The following UNC79 variants were observed in gnomAD, a reference collection of about 807,000 sequenced individuals.
UNC79 encodes the protein protein unc-79 homolog.
UNC79 carries 37 observed loss-of-function variants against 283.1 expected under a neutral mutation model. The ratio of observed to expected loss-of-function variants is 0.13; its 90% CI spans 0.10 to 0.17. UNC79 has a LOEUF of 0.17. Among genes scored for constraint, UNC79 ranks in the 10% least tolerant of loss-of-function variants. UNC79 has a pLI of 1.00. For missense variants in UNC79, 2,272 were observed against 3,211.1 expected, an observed-to-expected ratio of 0.71 and a Z score of 7.07; for synonymous variants, 1,107 against 1,200.2, an observed-to-expected ratio of 0.92 and a Z score of 1.61.
chr14:93,616,945 G>A (rs1328351144), intron 27 of UNC79, among the ~76,000 whole-genome samples, 177 bp from the exon 29 acceptor site: 3 of 152,088 alleles, frequency 2.0e-5, no homozygotes, highest in Non-Finnish European at 4.4e-5. Flanking sequence ...TTTTTTGTGA[G>A]GTTGGACTTT....
intron 1 of UNC79, among the ~76,000 whole-genome samples, chr14:93,396,775 G>T (rs2055006584): frequency 7.0e-6 from 1 of 143,762 alleles, no homozygotes; most frequent in African/African-American, 2.7e-5. Context: ...GCATGTGTGT[G>T]TATGTGTGTG....
At chr14:93,419,586 G>C (rs367643086) in intron 1 of UNC79, among the ~76,000 whole-genome samples, 5 of 151,842 alleles carry the variant, frequency 3.3e-5, no homozygotes, top group Admixed American at 2.0e-4. Flanking sequence ...AAAGCAGGGG[G>C]ATGAAGTTAA....
exon 34 of UNC79, chr14:93,643,571 G>C (rs910448412): frequency 6.2e-7 from 1 of 1,613,754 alleles, no homozygotes; most frequent in Non-Finnish European, 8.5e-7. Context: ...CATGACTGTG[G>C]GGCCATTCTT....
intron 4 of UNC79, among the ~76,000 whole-genome samples, chr14:93,486,399 G>A (rs1465927167): frequency 1.3e-5 from 2 of 151,828 alleles, no homozygotes; most frequent in Admixed American, 6.6e-5. Flanking sequence ...GCTCACGCTT[G>A]TAATCCCAGC....
intron 1 of UNC79, among the ~76,000 whole-genome samples, chr14:93,352,980 A>C (rs933629388): frequency 6.6e-6 from 1 of 152,222 alleles, no homozygotes; most frequent in Non-Finnish European, 1.5e-5. Context: ...AAACATAGAC[A>C]TACAATATGA....
upstream of UNC79, among the ~76,000 whole-genome samples, chr14:93,426,200 T>C (rs1415763520): frequency 6.6e-6 from 1 of 152,100 alleles, no homozygotes; most frequent in Non-Finnish European, 1.5e-5. Context: ...TTAATTTGCA[T>C]TGATGTTCCC....
intron 14 of UNC79, among the ~76,000 whole-genome samples, chr14:93,565,371 C>T (rs1566660882): frequency 6.6e-6 from 1 of 152,120 alleles, no homozygotes; most frequent in South Asian, 2.1e-4. Context: ...GGGGGTTAAG[C>T]GAGCTGTTAG....
chr14:93,381,103 CT>C (rs887743428), intron 1 of UNC79, among the ~76,000 whole-genome samples: 1 of 152,130 alleles, frequency 6.6e-6, no homozygotes, highest in African/African-American at 2.4e-5. Flanking sequence ...ATTATGTTGC[CT>C]CAGTTTTGGC....
At chr14:93,680,289 C>A (rs1324437315) in intron 41 of UNC79, among the ~76,000 whole-genome samples, 1 of 152,158 alleles carries the variant, frequency 6.6e-6, no homozygotes, top group Non-Finnish European at 1.5e-5. Context: ...AAGGGAGATA[C>A]AGACATTTAA....
At chr14:93,346,483 C>CA (rs1389836867) in intron 1 of UNC79, among the ~76,000 whole-genome samples, 4 of 152,036 alleles carry the variant, frequency 2.6e-5, no homozygotes, top group Non-Finnish European at 5.9e-5. Context: ...CCTGTCTCTA[C>CA]AAAAAAATAA....
At chr14:93,578,033 C>T in exon 18 of UNC79, 1 of 1,614,204 alleles carries the variant, frequency 6.2e-7, no homozygotes. Context: ...TAAATTGTTT[C>T]ATCCTCATGT....
intron 39 of UNC79, among the ~76,000 whole-genome samples, 160 bp downstream of exon 42, chr14:93,659,421 A>G (rs1360819058): frequency 6.6e-6 from 1 of 152,186 alleles, no homozygotes; most frequent in Non-Finnish European, 1.5e-5. Context: ...CCTTGTATAA[A>G]GAACTCTATC....
intron 1 of UNC79, among the ~76,000 whole-genome samples, chr14:93,357,974 T>G (rs1206113791): frequency 7.8e-6 from 1 of 127,900 alleles, no homozygotes; most frequent in African/African-American, 3.2e-5. Flanking sequence ...TCCATATATA[T>G]AGATATATAT....
chr14:93,540,715 C>G, exon 13 of UNC79: 1 of 1,613,772 alleles, frequency 6.2e-7, no homozygotes, highest in Non-Finnish European at 8.5e-7. Context: ...GCTGAACCGG[C>G]GGCGGCAGCT....
At chr14:93,409,142 A>T (rs765042335) in intron 1 of UNC79, among the ~76,000 whole-genome samples, 1 of 152,198 alleles carries the variant, frequency 6.6e-6, no homozygotes, top group Non-Finnish European at 1.5e-5. Context: ...TTATTTGTAG[A>T]TGCTAAGTTT....
chr14:93,359,031 A>G (rs1325629197), intron 1 of UNC79, among the ~76,000 whole-genome samples: 1 of 152,206 alleles, frequency 6.6e-6, no homozygotes, highest in Non-Finnish European at 1.5e-5. Context: ...ATGGATATTA[A>G]GGGTGTGGGA....
intron 22 of UNC79, among the ~76,000 whole-genome samples, chr14:93,587,407 A>T (rs2064298843): frequency 6.6e-6 from 1 of 152,214 alleles, no homozygotes; most frequent in Non-Finnish European, 1.5e-5. Context: ...AAACCTTAAA[A>T]TAACTTTTGC....
intron 1 of UNC79, among the ~76,000 whole-genome samples, chr14:93,433,465 G>T (rs1231728888): frequency 6.6e-6 from 1 of 152,184 alleles, no homozygotes; most frequent in East Asian, 1.9e-4. Context: ...TTTATAAAAA[G>T]AACGCAGATT....
intron 16 of UNC79, among the ~76,000 whole-genome samples, chr14:93,574,637 A>G (rs189562629): frequency 1.0e-3 from 159 of 152,314 alleles, no homozygotes; most frequent in Non-Finnish European, 2.1e-3. Flanking sequence ...TGACAGAGAA[A>G]GTGACTTGAT....
Sources: gnomAD v4.1 joint callset for allele counts (sites outside exome capture counted in the v4.1 genomes callset) on GRCh38, gnomAD v4.1.1 for gene constraint, MANE v1.5 for transcripts, NCBI Gene and HGNC (gene_info 2026-07-23, HGNC 2026-07-21) for gene names.